PCA3: variants seen among roughly 807,000 people sequenced by gnomAD.
PCA3 encodes Differential Display code 3.
At chr9:76,774,401 G>A (rs1304840722) in intron 2 of PCA3, among the ~76,000 whole-genome samples, 2 of 149,434 alleles carry the variant, frequency 1.3e-5, no homozygotes, top group African/African-American at 2.5e-5. Context: ...GCCTCTCAAA[G>A]TGTTGGGATT....
intron 2 of PCA3, among the ~76,000 whole-genome samples, chr9:76,766,647 TC>T (rs916644540): frequency 6.6e-6 from 1 of 151,902 alleles, no homozygotes; most frequent in Admixed American, 6.6e-5. Flanking sequence ...CTGCGCCACT[TC>T]CCCCCAATCA....
At chr9:76,780,436 C>T (rs2054248098) in intron 2 of PCA3, among the ~76,000 whole-genome samples, 1 of 152,104 alleles carries the variant, frequency 6.6e-6, no homozygotes, top group African/African-American at 2.4e-5. Flanking sequence ...GCCTGTAATC[C>T]CAGCACTTTG....
At chr9:76,766,127 G>A (rs1564249965) in intron 2 of PCA3, among the ~76,000 whole-genome samples, 3 of 149,660 alleles carry the variant, frequency 2.0e-5, no homozygotes, top group Admixed American at 1.3e-4. Context: ...AGGTTGCAGT[G>A]AGCCAAGATT....
intron 2 of PCA3, among the ~76,000 whole-genome samples, chr9:76,768,650 C>G (rs1165610775): frequency 6.7e-6 from 1 of 148,452 alleles, no homozygotes; most frequent in Non-Finnish European, 1.5e-5. Flanking sequence ...AGATCATCAA[C>G]AATTTTGTCA....
intron 2 of PCA3, among the ~76,000 whole-genome samples, chr9:76,770,889 A>G (rs2053023193): frequency 6.6e-6 from 1 of 152,170 alleles, no homozygotes; most frequent in African/African-American, 2.4e-5. Context: ...GCGAAAGTAA[A>G]TTTGTGAAGG....
intron 2 of PCA3, among the ~76,000 whole-genome samples, chr9:76,775,301 T>C (rs190757801): frequency 1.3e-5 from 2 of 148,832 alleles, no homozygotes; most frequent in Non-Finnish European, 1.5e-5. Flanking sequence ...TTTTGTACTT[T>C]GTCTTTTTTT....
At chr9:76,770,630 C>T (rs940646189) in intron 2 of PCA3, among the ~76,000 whole-genome samples, 14 of 152,230 alleles carry the variant, frequency 9.2e-5, no homozygotes, top group African/African-American at 3.1e-4. Flanking sequence ...CAAAATCCTG[C>T]AAAACTGTTG....
chr9:76,769,830 A>G (rs1432614515), intron 2 of PCA3, among the ~76,000 whole-genome samples: 2 of 152,236 alleles, frequency 1.3e-5, no homozygotes, highest in Non-Finnish European at 2.9e-5. Flanking sequence ...TTTCTGGATT[A>G]CTTTCAAAAA....
chr9:76,767,482 A>G (rs1309460389), intron 2 of PCA3, among the ~76,000 whole-genome samples: 1 of 151,906 alleles, frequency 6.6e-6, no homozygotes, highest in Non-Finnish European at 1.5e-5. Context: ...AAAAAAGCAC[A>G]GATTCTTTAT....
intron 2 of PCA3, among the ~76,000 whole-genome samples, chr9:76,776,536 AG>A (rs1285074558): frequency 1.2e-5 from 1 of 86,070 alleles, no homozygotes; most frequent in African/African-American, 5.7e-5. Flanking sequence ...TTTTTTTTTG[AG>A]ATGAGTCTCG....
intron 2 of PCA3, among the ~76,000 whole-genome samples, chr9:76,781,651 T>C (rs2054408271): frequency 6.6e-6 from 1 of 152,250 alleles, no homozygotes; most frequent in African/African-American, 2.4e-5. Flanking sequence ...AATCTACATT[T>C]ATATGCATGA....
intron 2 of PCA3, among the ~76,000 whole-genome samples, chr9:76,772,715 G>C (rs10869814): frequency 0.46 from 70,445 of 151,876 alleles, 16,653 homozygotes; most frequent in East Asian, 0.67. Context: ...AGGCACACAC[G>C]GCTGTATCCA....
intron 2 of PCA3, among the ~76,000 whole-genome samples, chr9:76,782,223 A>G (rs770613233): frequency 2.0e-5 from 3 of 152,076 alleles, no homozygotes; most frequent in Non-Finnish European, 4.4e-5. Context: ...CAAAAAAAGA[A>G]AAAAAAGAAA....
chr9:76,778,110 C>T (rs935713135), intron 2 of PCA3, among the ~76,000 whole-genome samples: 8 of 152,184 alleles, frequency 5.3e-5, no homozygotes, highest in African/African-American at 1.9e-4. Context: ...ATACCAATGA[C>T]TGGGTCCCAG....
chr9:76,768,583 ATGTGTGTG>A (rs55793596), intron 2 of PCA3, among the ~76,000 whole-genome samples: 326 of 103,354 alleles, frequency 3.2e-3, no homozygotes, highest in African/African-American at 9.8e-3. Context: ...ATGTATATGT[ATGTGTGTG>A]TGTGTGTGTG....
intron 2 of PCA3, among the ~76,000 whole-genome samples, chr9:76,771,234 T>C (rs1354797572): frequency 6.6e-6 from 1 of 152,206 alleles, no homozygotes. Flanking sequence ...TATATGTTTT[T>C]GCATCTTAAA....
chr9:76,786,018 G>T (rs2054936658), intron 2 of PCA3: 1 of 152,318 alleles, frequency 6.6e-6, no homozygotes, highest in Admixed American at 6.5e-5. Flanking sequence ...ATTGTTAGAA[G>T]CACCTCGCAT....
At chr9:76,782,087 A>G (rs1283560857) in intron 2 of PCA3, among the ~76,000 whole-genome samples, 2 of 152,098 alleles carry the variant, frequency 1.3e-5, no homozygotes, top group Middle Eastern at 3.2e-3. Flanking sequence ...GGTGGTGGGC[A>G]CCTGTAGTCC....
chr9:76,775,324 T>A (rs2053616462), intron 2 of PCA3, among the ~76,000 whole-genome samples: 2 of 151,962 alleles, frequency 1.3e-5, no homozygotes, highest in Non-Finnish European at 2.9e-5. Context: ...TGAGACAAGG[T>A]CTCACTCTGT....
Sources: allele counts gnomAD v4.1 joint callset (sites outside exome capture counted in the v4.1 genomes callset), GRCh38; gene constraint gnomAD v4.1.1; transcripts MANE v1.5; gene names NCBI Gene and HGNC (gene_info 2026-07-23, HGNC 2026-07-21).